VPS54: variants seen among roughly 807,000 people sequenced by gnomAD.
VPS54 encodes VPS54 subunit of GARP complex.
Under a neutral mutation model 121.5 loss-of-function variants are expected in VPS54, and 45 were observed. That is an observed-to-expected ratio of 0.37 (90% CI 0.29 to 0.47). The LOEUF is 0.47. Ranked by LOEUF, VPS54 falls within the 20% of genes least tolerant of loss-of-function variation. The pLI is 0.99. For missense variants in VPS54, 1,090 were observed against 1,131.4 expected, an observed-to-expected ratio of 0.96 and a Z score of 0.52; for synonymous variants, 371 against 385.8, an observed-to-expected ratio of 0.96 and a Z score of 0.45.
At chr2:63,948,628 T>TG (rs1358943372) in intron 8 of VPS54, among the ~76,000 whole-genome samples, 4 of 152,040 alleles carry the variant, frequency 2.6e-5, no homozygotes, top group African/African-American at 9.7e-5. Flanking sequence ...CTCAAACTCC[T>TG]GGGCTCAAGC....
At position 63,914,249 on chromosome 2, in the gene VPS54, C is replaced by G; in HGVS notation, c.2267G>C (p.Cys756Ser). 6.2e-7 allele frequency: 1 copy of G among 1,613,216 alleles called. No individual in the cohort carries two copies. Among genetic ancestry groups the G allele is most frequent in the Non-Finnish European group, 8.5e-7 (1 of 1,179,626 alleles). ...LLLIRIILEY[C>S]QCVDNIPSVT... ...AGATGGGATGTTATCCACACACTGG[C>G]AATATTCAAGGATAATTCTTATTAA... Residue 756 changes from cysteine to serine, a missense_variant, in exon 17 of 23, where the codon TGC becomes TCC. Cys to Ser is a moderately radical substitution (Grantham distance 112, BLOSUM62 -1). This residue lies in a region of VPS54 where 289 missense variants were observed against 374.4 expected (regional missense o/e 0.77). Transcript: ENST00000272322.
intron 7 of VPS54, among the ~76,000 whole-genome samples, chr2:63,957,311 G>A (rs915646883): frequency 1.1e-4 from 17 of 151,602 alleles, no homozygotes; most frequent in South Asian, 6.3e-4. Context: ...GTGTGGTGGC[G>A]GGCACCTGTA....
chr2:63,977,656 T>A (rs1676605451), intron 3 of VPS54, among the ~76,000 whole-genome samples: 1 of 152,228 alleles, frequency 6.6e-6, no homozygotes, highest in Admixed American at 6.5e-5. Flanking sequence ...ATAGTTACTT[T>A]GAGTTCCCAG....
At chr2:63,903,776 C>T (rs781714350) in intron 20 of VPS54, among the ~76,000 whole-genome samples, 3 of 151,776 alleles carry the variant, frequency 2.0e-5, no homozygotes, top group African/African-American at 7.3e-5. Context: ...GCTAGTACAC[C>T]AACTTTAAAG....
At chr2:64,005,086 CTTCTTTTTTTTTTTTTTT>C in intron 1 of VPS54, among the ~76,000 whole-genome samples, 1 of 76,632 alleles carries the variant, frequency 1.3e-5, no homozygotes, top group East Asian at 4.1e-4. Flanking sequence ...TCTACTATTG[CTTCTTTTTTTTTTTTTTT>C]TTTTTTTTTT....
intron 11 of VPS54, among the ~76,000 whole-genome samples, chr2:63,939,402 T>C (rs1473762322): frequency 6.6e-6 from 1 of 151,840 alleles, no homozygotes; most frequent in Non-Finnish European, 1.5e-5. Flanking sequence ...AAAAGCGTAA[T>C]ACTAAAGTGA....
At chr2:63,992,111 T>C (rs560737396) in intron 1 of VPS54, among the ~76,000 whole-genome samples, 1 of 152,302 alleles carries the variant, frequency 6.6e-6, no homozygotes, top group Non-Finnish European at 1.5e-5. Context: ...TAATCGTGTC[T>C]GCCAAGCTTC....
chr2:64,016,140 G>A (rs1295210814), intron 1 of VPS54, among the ~76,000 whole-genome samples: 2 of 152,154 alleles, frequency 1.3e-5, no homozygotes, highest in Non-Finnish European at 2.9e-5. Context: ...TGACCTTTAA[G>A]ATCTTTTCCC....
intron 3 of VPS54, among the ~76,000 whole-genome samples, chr2:63,981,121 A>C (rs1208730243): frequency 1.3e-5 from 2 of 152,168 alleles, no homozygotes; most frequent in Non-Finnish European, 2.9e-5. Context: ...AATTGTATTG[A>C]TAACAGCCAC....
chr2:63,967,593 C>T (rs1415555561), intron 5 of VPS54, among the ~76,000 whole-genome samples: 2 of 151,728 alleles, frequency 1.3e-5, no homozygotes, highest in African/African-American at 2.4e-5. Flanking sequence ...GTAGCAGGCG[C>T]CTGTAATCCC....
chr2:63,923,168 T>C (rs1184358665), intron 12 of VPS54, among the ~76,000 whole-genome samples: 1 of 151,772 alleles, frequency 6.6e-6, no homozygotes, highest in East Asian at 1.9e-4. Context: ...GCAAAAAAAT[T>C]AGCCAGGCGT....
chr2:64,003,323 A>G (rs1220111624), intron 1 of VPS54, among the ~76,000 whole-genome samples: 3 of 152,240 alleles, frequency 2.0e-5, no homozygotes, highest in Non-Finnish European at 2.9e-5. Context: ...AGAATCTATA[A>G]ATAGCTCTAC....
intron 20 of VPS54, among the ~76,000 whole-genome samples, chr2:63,911,648 C>A (rs1236452599): frequency 6.6e-6 from 1 of 152,068 alleles, no homozygotes; most frequent in African/African-American, 2.4e-5. Context: ...TCTTATGTAC[C>A]TGCTGTTCCT....
chr2:63,909,725 G>GTTTTTGTTTTTTTT lies in VPS54; in HGVS notation c.2625+2619_2625+2620insAAAAAAAACAAAAA, dbSNP rs747731456. Among the ~76,000 whole-genome samples the GTTTTTGTTTTTTTT allele has an allele frequency of 7.4e-3, 848 of 115,138 alleles. 31 individuals carry two copies. The highest frequency in any genetic ancestry group is 0.011 in the Non-Finnish European group (604 of 55,436). 75.5% of individuals were successfully genotyped at this position (115,138 alleles called of 152,430 possible). ...AAGCGACCTCGCCTGGCCGTTTTTG[G>GTTTTTGTTTTTTTT]TTTTTTTTTTTTTTTTGAGACAGAG... On this transcript the variant is annotated intron_variant, in intron 20 of 22. Transcript: ENST00000272322.
chr2:63,948,805 C>T (rs926336855), intron 8 of VPS54, among the ~76,000 whole-genome samples: 7 of 152,178 alleles, frequency 4.6e-5, no homozygotes, highest in Admixed American at 1.3e-4. Context: ...TCTGTAAGCT[C>T]ATTTTAACTC....
At chr2:63,949,301 TC>T in intron 7 of VPS54, 138 bp from the exon 8 acceptor site, 4 of 803,498 alleles carry the variant, frequency 5.0e-6, no homozygotes, top group Non-Finnish European at 7.5e-6. Flanking sequence ...AAAAATGAAG[TC>T]CTTTAACTTA....
At chr2:63,992,618 C>G (rs1677382020) in intron 1 of VPS54, among the ~76,000 whole-genome samples, 1 of 152,196 alleles carries the variant, frequency 6.6e-6, no homozygotes, top group South Asian at 2.1e-4. Context: ...AGTTTCTGAA[C>G]AGTTACAACT....
At chr2:63,950,282 G>A (rs2104530414) in intron 7 of VPS54, among the ~76,000 whole-genome samples, 1 of 152,276 alleles carries the variant, frequency 6.6e-6, no homozygotes, top group Middle Eastern at 3.4e-3. Flanking sequence ...CTTTCGTGAT[G>A]TTCTATCGGG....
chr2:63,962,119 C>A lies in VPS54; in HGVS notation c.949G>T (p.Asp317Tyr). The change falls in exon 7 of 23, where the codon GAC (aspartate) becomes TAC (tyrosine). Residue 317 changes from aspartate to tyrosine, a missense_variant. By Grantham distance (160) the Asp-to-Tyr change is radical (BLOSUM62 -3). This residue lies in a region of VPS54 where 801 missense variants were observed against 757.0 expected (regional missense o/e 1.06). Transcript: ENST00000272322. ...ACCTCTTGTGTTGTTGCTATTAAGT[C>A]CAATGCTCCAACAAATTCAGAAGTA... ...LSTSEFVGAL[D>Y]LIATTQEVLQ... is the part of the protein sequence containing the mutation. 1 of 1,607,212 alleles carries A rather than the reference C, an allele frequency of 6.2e-7. No homozygotes were observed. Among genetic ancestry groups the A allele is most frequent in the Non-Finnish European group, 8.5e-7 (1 of 1,174,166 alleles).
Sources: gnomAD v4.1 joint callset for allele counts (sites outside exome capture counted in the v4.1 genomes callset) on GRCh38, gnomAD v4.1.1 for gene constraint, gnomAD v4.1.1 regional missense constraint, MANE v1.5 for transcripts, NCBI Gene and HGNC (gene_info 2026-07-23, HGNC 2026-07-21) for gene names.